PCDH11X: variants seen among roughly 807,000 people sequenced by gnomAD.
The protein encoded by PCDH11X is protocadherin-11 X-linked.
PCDH11X carries 18 observed loss-of-function variants against 53.3 expected under a neutral mutation model. The observed-to-expected ratio is 0.34, with a 90% CI of 0.23 to 0.50. The LOEUF (loss-of-function observed/expected upper bound fraction) is 0.50. PCDH11X is among the 20% of genes least tolerant of loss of function. PCDH11X has a pLI of 0.98. For synonymous variants in PCDH11X, 279 were observed against 393.3 expected (o/e 0.71, Z 3.44); for missense variants, 570 against 1,032.4 (o/e 0.55, Z 6.14).
intron 6 of PCDH11X, among the ~76,000 whole-genome samples, chrX:91,892,496 C>A (rs754079480): frequency 9.0e-6 from 1 of 110,782 alleles, no homozygotes; most frequent in South Asian, 3.8e-4. Context: ...TCCTACCTTG[C>A]CATGCACCTC....
At chrX:92,411,949 GA>G (rs1569482781) in intron 9 of PCDH11X, among the ~76,000 whole-genome samples, 116 of 9,170 alleles carry the variant, frequency 0.013, 10 homozygotes, top group African/African-American at 0.054. Context: ...GGAGGAGGAG[GA>G]GTGGGAGGAG....
At chrX:91,953,260 AT>A (rs1323340706) in intron 6 of PCDH11X, among the ~76,000 whole-genome samples, 1 of 110,761 alleles carries the variant, frequency 9.0e-6, no homozygotes, top group Non-Finnish European at 1.9e-5. Context: ...TGATGTCATC[AT>A]TTTACATTGC....
At chrX:91,828,792 T>C (rs1266153766) in intron 4 of PCDH11X, among the ~76,000 whole-genome samples, 1 of 111,464 alleles carries the variant, frequency 9.0e-6, no homozygotes, top group Non-Finnish European at 1.9e-5. Flanking sequence ...TCTCACGGGG[T>C]GAATGAATGC....
intron 10 of PCDH11X, among the ~76,000 whole-genome samples, chrX:92,526,909 A>G (rs1042779185): frequency 2.7e-5 from 3 of 109,988 alleles, no homozygotes; most frequent in Middle Eastern, 4.7e-3. Context: ...GAATGGAGAA[A>G]GAAAATGTGG....
At chrX:92,505,938 T>G (rs1321520251) in intron 10 of PCDH11X, among the ~76,000 whole-genome samples, 1 of 110,917 alleles carries the variant, frequency 9.0e-6, no homozygotes. Flanking sequence ...TGAATGTTAT[T>G]GCATTCTTGA....
chrX:92,242,184 A>T (rs1007365662), intron 7 of PCDH11X, among the ~76,000 whole-genome samples: 1 of 109,972 alleles, frequency 9.1e-6, no homozygotes, highest in African/African-American at 3.3e-5. Context: ...TTATCTCATT[A>T]CCCTTCTTTA....
chrX:92,063,031 T>C (rs893663681), intron 6 of PCDH11X, among the ~76,000 whole-genome samples: 1 of 111,151 alleles, frequency 9.0e-6, no homozygotes, highest in Non-Finnish European at 1.9e-5. Context: ...GATGAGTTCA[T>C]GTCCTTTGCA....
chrX:92,278,422 T>G (rs770491712), intron 8 of PCDH11X, among the ~76,000 whole-genome samples: 47 of 111,769 alleles, frequency 4.2e-4, no homozygotes, highest in African/African-American at 1.5e-3. Flanking sequence ...CATGGCTGTT[T>G]ATTTCACGTG....
intron 6 of PCDH11X, among the ~76,000 whole-genome samples, chrX:92,041,458 CAT>C (rs1476476834): frequency 3.6e-5 from 4 of 110,842 alleles, no homozygotes; most frequent in African/African-American, 1.3e-4. Flanking sequence ...ACTATTCAAA[CAT>C]GTAGTGTTTT....
chrX:92,098,160 G>C (rs1428607826), intron 6 of PCDH11X, among the ~76,000 whole-genome samples: 1 of 110,371 alleles, frequency 9.1e-6, no homozygotes, highest in Non-Finnish European at 1.9e-5. Context: ...ATTGATCCTA[G>C]GGATTTATTA....
At chrX:92,147,981 C>CT (rs2065322452) in intron 6 of PCDH11X, among the ~76,000 whole-genome samples, 7 of 81,486 alleles carry the variant, frequency 8.6e-5, no homozygotes, top group African/African-American at 4.2e-4. Context: ...TCCTTCCTTC[C>CT]TTCCTTTCTT....
rs1157316948 is a variant in PCDH11X, at chrX:91,835,987, A to G, written c.483A>G (p.Pro161=). ...NSAINSKYTL[P]AAVDPDVGIN... ...CTATAAACTCTAAATATACTCTCCC[A>G]GCGGCTGTTGATCCTGACGTAGGAA... The change falls in exon 5 of 11, where the codon CCA becomes CCG. Residue 161 remains proline (P), a synonymous_variant. Transcript: ENST00000682573. The G allele has an allele frequency of 8.3e-7, 1 of 1,211,507 alleles. No homozygotes were observed. Among genetic ancestry groups the G allele is most frequent in the East Asian group, 3.0e-5 (1 of 33,839 alleles).
intron 6 of PCDH11X, among the ~76,000 whole-genome samples, chrX:92,120,656 C>T (rs1183030662): frequency 1.8e-5 from 2 of 111,837 alleles, no homozygotes; most frequent in African/African-American, 3.3e-5. Flanking sequence ...CTTTTAGATT[C>T]GTGAAGAAAG....
intron 10 of PCDH11X, among the ~76,000 whole-genome samples, chrX:92,615,101 T>A (rs1341476031): frequency 9.0e-6 from 1 of 111,454 alleles, no homozygotes; most frequent in Non-Finnish European, 1.9e-5. Context: ...GTACTCCAAA[T>A]TCCTGGAGAT....
chrX:91,828,791 G>A (rs916455761), intron 4 of PCDH11X, among the ~76,000 whole-genome samples: 2 of 111,486 alleles, frequency 1.8e-5, no homozygotes, highest in Non-Finnish European at 3.8e-5. Flanking sequence ...GTCTCACGGG[G>A]TGAATGAATG....
chrX:92,457,467 A>T (rs1489180142), intron 9 of PCDH11X, among the ~76,000 whole-genome samples: 1 of 107,294 alleles, frequency 9.3e-6, no homozygotes. Context: ...ATTCACTGTG[A>T]TTACAAGAAA....
intron 8 of PCDH11X, among the ~76,000 whole-genome samples, chrX:92,386,745 C>T (rs5984946): frequency 6.8e-5 from 7 of 103,280 alleles, no homozygotes; most frequent in African/African-American, 2.1e-4. Context: ...AGTCTTTCCA[C>T]GAAGCTAGCT....
In PCDH11X at chrX:92,077,667, A is replaced by AGGAAG. The variant is rs1556013852; in HGVS notation, c.3034-123705_3034-123704insAGGGA. 2.1e-4 allele frequency among the ~76,000 whole-genome samples: 21 copies of AGGAAG among 99,028 alleles called. No homozygotes were observed. The South Asian group carries it at 9.2e-3, about 43-fold the overall frequency. 86.0% of individuals were successfully genotyped at this position (99,028 alleles called of 115,157 possible). On this transcript the variant is annotated intron_variant, in intron 6 of 10. Coordinates refer to ENST00000682573, the MANE Select transcript of PCDH11X (RefSeq NM_032968.5). ...AAGGAAGGAAGGAAGGAAGGAAGGAAGGACAGACATCAAGTACAAACAAAC... is the reference window on the plus strand; with the variant it reads ...AAGGAAGGAAGGAAGGAAGGAAGGAAGGAAGGGACAGACATCAAGTACAAACAAAC...
At chrX:92,597,760 T>C (rs1000647774) in intron 10 of PCDH11X, among the ~76,000 whole-genome samples, 1 of 111,349 alleles carries the variant, frequency 9.0e-6, no homozygotes, top group African/African-American at 3.3e-5. Context: ...AGGAATTATA[T>C]TACCTGCCTT....
Sources: gnomAD v4.1 joint callset for allele counts (sites outside exome capture counted in the v4.1 genomes callset) on GRCh38, gnomAD v4.1.1 for gene constraint, MANE v1.5 for transcripts, NCBI Gene and HGNC (gene_info 2026-07-23, HGNC 2026-07-21) for gene names.